ACYP2: variants seen among roughly 807,000 people sequenced by gnomAD.
The protein encoded by ACYP2 is acylphosphatase-2.
A neutral mutation model predicts 11.2 loss-of-function variants in ACYP2; 12 were observed. The ratio of observed to expected loss-of-function variants is 1.08; its 90% CI spans 0.69 to 1.74. ACYP2 has a LOEUF of 1.74. Ranked by LOEUF, ACYP2 falls within the 40% of genes most tolerant of loss-of-function variation. The pLI, the probability that ACYP2 is intolerant of heterozygous loss-of-function variation, is 0.00. For synonymous variants in ACYP2, 43 were observed against 32.2 expected (o/e 1.33, Z -1.13); for missense variants, 134 against 101.9 (o/e 1.31, Z -1.35).
In ACYP2 at chr2:54,069,784, G is replaced by GT. The variant is rs1313511445; in HGVS notation, c.277+12426dup. Among the ~76,000 whole-genome samples the GT allele has an allele frequency of 2.0e-5, 3 of 152,228 alleles. No homozygotes were observed. In the South Asian group the frequency reaches 6.2e-4, roughly 31 times the overall value. On this transcript the variant is annotated intron_variant, in intron 4 of 6. Transcript: ENST00000607452. ...GGGTGACCAGCTGATGAATATGCTA[G>GT]TTGGCCACTAAGTTTTTGAATTTAG...
rs114327840 is a variant in ACYP2, at chr2:54,001,761, A to G, written c.62+27951A>G. Among the ~76,000 whole-genome samples, 1,304 of 152,344 alleles carry G rather than the reference A, an allele frequency of 8.6e-3. 17 individuals carry two copies. The highest frequency in any genetic ancestry group is 0.014 in the Non-Finnish European group (961 of 68,026). On this transcript the variant is annotated intron_variant, in intron 2 of 6. Transcript: ENST00000607452. ...AGTAGATTTGGGGTAAGGCCCAAGTATCTGACTTCTGAAAATACCCTCTGT... is the reference window on the plus strand; with the variant it reads ...AGTAGATTTGGGGTAAGGCCCAAGTGTCTGACTTCTGAAAATACCCTCTGT...
chr2:54,265,923 G>C (rs1332657139), intron 6 of ACYP2, among the ~76,000 whole-genome samples: 1 of 152,124 alleles, frequency 6.6e-6, no homozygotes, highest in East Asian at 1.9e-4. Flanking sequence ...CTAGGACTCA[G>C]CATCCTGAAA....
At chr2:54,079,752 T>G (rs1677546628) in intron 4 of ACYP2, among the ~76,000 whole-genome samples, 2 of 152,198 alleles carry the variant, frequency 1.3e-5, no homozygotes, top group African/African-American at 4.8e-5. Context: ...GAGAGTTCTC[T>G]TTAAGAAAAA....
intron 6 of ACYP2, among the ~76,000 whole-genome samples, chr2:54,155,103 T>C (rs141401836): frequency 4.3e-4 from 66 of 152,342 alleles, no homozygotes; most frequent in South Asian, 2.5e-3. Context: ...TACTAATCTT[T>C]ATGATTCTTT....
intron 6 of ACYP2, among the ~76,000 whole-genome samples, chr2:54,215,013 C>T (rs1391475393): frequency 6.6e-6 from 1 of 152,096 alleles, no homozygotes; most frequent in East Asian, 1.9e-4. Flanking sequence ...TTTGTGGCTA[C>T]TATGAATAGA....
intron 6 of ACYP2, among the ~76,000 whole-genome samples, chr2:54,277,656 C>T (rs537523788): frequency 5.3e-5 from 8 of 151,098 alleles, no homozygotes; most frequent in African/African-American, 1.5e-4. Flanking sequence ...CCAGCCTGGG[C>T]GATAGAGAGA....
intron 6 of ACYP2, chr2:54,255,016 T>C (rs948697888): frequency 2.5e-6 from 4 of 1,614,062 alleles, no homozygotes; most frequent in Non-Finnish European, 3.4e-6. Flanking sequence ...CAGGTAGTAC[T>C]GCAGTGGATT....
At chr2:54,049,638 C>T (rs1176490362) in intron 2 of ACYP2, among the ~76,000 whole-genome samples, 2 of 152,116 alleles carry the variant, frequency 1.3e-5, no homozygotes, top group Non-Finnish European at 2.9e-5. Flanking sequence ...AACAGCAGTC[C>T]TTGCCCCTCT....
chr2:54,301,530 C>G (rs145083098), intron 6 of ACYP2, among the ~76,000 whole-genome samples: 48 of 151,840 alleles, frequency 3.2e-4, no homozygotes, highest in African/African-American at 1.1e-3. Context: ...CTATGTATGC[C>G]CTCCAGTATC....
intron 4 of ACYP2, among the ~76,000 whole-genome samples, chr2:54,126,597 CA>C (rs34045950): frequency 0.17 from 18,923 of 109,602 alleles, 1,086 homozygotes; most frequent in African/African-American, 0.26. Flanking sequence ...GTCAAATTTG[CA>C]AAAAAAAAAA....
intron 2 of ACYP2, among the ~76,000 whole-genome samples, chr2:54,046,167 C>CAAAAAAAAAA (rs36114622): frequency 1.8e-5 from 1 of 55,844 alleles, no homozygotes; most frequent in East Asian, 6.7e-4. Context: ...CAGACCCTGT[C>CAAAAAAAAAA]AAAAAAAAAA....
chr2:54,100,183 C>G (rs1572752147), intron 4 of ACYP2, among the ~76,000 whole-genome samples: 1 of 150,028 alleles, frequency 6.7e-6, no homozygotes, highest in Non-Finnish European at 1.5e-5. Context: ...TTTTGACTTT[C>G]CAGATTTAGT....
rs535993084 is a variant in ACYP2, at chr2:54,151,374, G to A, written c.404+12626G>A. ...CAGACCATTAGTGGCATGAATGTCT[G>A]TGCAACCAGAGTGGCTAGCTTTTCC... On this transcript the variant is annotated intron_variant, in intron 6 of 6. Transcript: ENST00000607452. Among the ~76,000 whole-genome samples, 3 of 152,332 alleles carry A rather than the reference G, an allele frequency of 2.0e-5. No individual in the cohort carries two copies. The South Asian group carries it at 6.2e-4, about 32-fold the overall frequency.
intron 3 of ACYP2, among the ~76,000 whole-genome samples, chr2:54,056,377 A>G (rs1286054149): frequency 3.9e-5 from 6 of 152,264 alleles, no homozygotes; most frequent in Admixed American, 1.3e-4. Flanking sequence ...CAGGTTGTCA[A>G]CATCCCTTGA....
chr2:54,090,190 C>T (rs1456466544), intron 4 of ACYP2, among the ~76,000 whole-genome samples: 1 of 151,790 alleles, frequency 6.6e-6, no homozygotes, highest in Non-Finnish European at 1.5e-5. Context: ...TGTCTAATAA[C>T]TTTGATGATG....
intron 4 of ACYP2, among the ~76,000 whole-genome samples, chr2:54,098,223 C>T (rs1678701404): frequency 6.6e-6 from 1 of 152,160 alleles, no homozygotes; most frequent in Non-Finnish European, 1.5e-5. Flanking sequence ...CCTGCCTCAG[C>T]CTCCCAAAGT....
intron 2 of ACYP2, among the ~76,000 whole-genome samples, chr2:53,992,310 A>G (rs1341116421): frequency 6.6e-6 from 1 of 152,142 alleles, no homozygotes; most frequent in Non-Finnish European, 1.5e-5. Flanking sequence ...AATTTACTCT[A>G]AGTGCAATGG....
chr2:54,168,835 T>C lies in ACYP2; in HGVS notation c.404+30087T>C, dbSNP rs2103845214. ...AATTGTAATTGTATTAGAAATAGAA[T>C]TTTAAGCATTGCCATTTTCTGGATA... On this transcript the variant is annotated intron_variant, in intron 6 of 6. Coordinates refer to ENST00000607452, the MANE Select transcript of ACYP2 (RefSeq NM_001320586.2). 1.3e-5 allele frequency among the ~76,000 whole-genome samples: 2 copies of C among 152,308 alleles called. 1 individual carries two copies. The highest frequency in any genetic ancestry group is 4.1e-4 in the South Asian group (2 of 4,828).
intron 6 of ACYP2, among the ~76,000 whole-genome samples, chr2:54,214,249 G>C (rs1390337833): frequency 1.3e-5 from 2 of 152,136 alleles, no homozygotes; most frequent in African/African-American, 4.8e-5. Context: ...ATTTAATTAG[G>C]TCCTACTTGT....
Sources: gnomAD v4.1 joint callset for allele counts (sites outside exome capture counted in the v4.1 genomes callset) on GRCh38, gnomAD v4.1.1 for gene constraint, MANE v1.5 for transcripts, NCBI Gene and HGNC (gene_info 2026-07-23, HGNC 2026-07-21) for gene names.